Variants in ALDH16A1 observed in about 807,000 individuals in gnomAD.
The protein encoded by ALDH16A1 is aldehyde dehydrogenase family 16 member A1.
ALDH16A1 carries 88 observed loss-of-function variants against 96.1 expected under a neutral mutation model. The ratio of observed to expected loss-of-function variants is 0.92; its 90% CI spans 0.77 to 1.09. The LOEUF (loss-of-function observed/expected upper bound fraction) is 1.09, where lower values mean the gene tolerates loss of function less well. Ranked by LOEUF, ALDH16A1 falls within the 50% of genes least tolerant of loss-of-function variation. The pLI is 0.00. For missense variants in ALDH16A1, 1,250 were observed against 1,112.6 expected (o/e 1.12, Z -1.76); for synonymous variants, 522 against 496.4 (o/e 1.05, Z -0.69).
intron 8 of ALDH16A1, 87 bp downstream of exon 8, chr19:49,462,842 G>T: frequency 7.6e-7 from 1 of 1,319,626 alleles, no homozygotes; most frequent in Non-Finnish European, 1.0e-6. Flanking sequence ...AGGGAGCTGG[G>T]CGTGGACAAC....
At chr19:49,464,015 G>A (rs113529719) in intron 9 of ALDH16A1, 66 bp downstream of exon 9, 2 of 1,578,492 alleles carry the variant, frequency 1.3e-6, no homozygotes, top group Admixed American at 3.5e-5. Flanking sequence ...CTGTGCCTGG[G>A]GAAGCCCTTG....
In ALDH16A1 at chr19:49,468,999, C is replaced by G. The variant is rs2079223300; in HGVS notation, c.2247+13C>G. 1.2e-6 allele frequency: 2 copies of G among 1,601,944 alleles called. No individual in the cohort carries two copies. The highest frequency in any genetic ancestry group is 1.3e-5 in the African/African-American group (1 of 74,656). ...CGGATCAGCCCAGGTGCTCTTTGTT[C>G]TGTTTTGCCATCTTCAGCATCTCAA... On this transcript the variant is annotated intron_variant, in intron 16 of 16. Coordinates refer to ENST00000293350, the MANE Select transcript of ALDH16A1 (RefSeq NM_153329.4). This position sits in a 1 kb window ranked among gnomAD's most constrained non-coding sequence, Gnocchi z 4.4.
rs1776690503 is a variant in ALDH16A1, at chr19:49,465,668, G to A, written c.1569-70G>A. The A allele has an allele frequency of 5.9e-6, 9 of 1,514,270 alleles. 1 individual carries two copies. The highest frequency in any genetic ancestry group is 2.0e-5 in the Admixed American group (1 of 50,134). 93.8% of individuals were successfully genotyped at this position (1,514,270 alleles called of 1,614,324 possible). On this transcript the variant is annotated intron_variant, in intron 12 of 16. Transcript: ENST00000293350. ...CACGGGAGCCAAGGCAGTCTTCCCAGTGCGGTAGAGCATAGGGTCTGAGCA... is the reference window on the plus strand; with the variant it reads ...CACGGGAGCCAAGGCAGTCTTCCCAATGCGGTAGAGCATAGGGTCTGAGCA...
Position 49,461,999 on chromosome 19 carries a change from A to G in ALDH16A1, c.875A>G (p.Glu292Gly). Residue 292 changes from glutamate to glycine, a missense_variant, in exon 7 of 17, where the codon GAG becomes GGG. Glu to Gly is a moderately conservative substitution (Grantham distance 98, BLOSUM62 -2). Transcript: ENST00000293350. ...TDTADVDSAV[E>G]GVVDAAWSDR... ...ACGGCGGACGTAGACTCGGCCGTGG[A>G]GGGTGTCGTGGACGCCGCCTGGTCC... 6.5e-7 allele frequency: 1 copy of G among 1,546,430 alleles called. No homozygotes were observed. The highest frequency in any genetic ancestry group is 1.2e-5 in the South Asian group (1 of 84,534).
At chr19:49,463,759 T>C in intron 8 of ALDH16A1, 95 bp from the exon 9 acceptor site, 1 of 1,123,028 alleles carries the variant, frequency 8.9e-7, no homozygotes. Flanking sequence ...GGGCCTGGAC[T>C]CCTGGGTCTG....
In ALDH16A1 at chr19:49,464,121, T is replaced by C; in HGVS notation, c.1195-6T>C. 1 of 1,606,820 alleles carries C rather than the reference T, an allele frequency of 6.2e-7. No homozygotes were observed. Among genetic ancestry groups the C allele is most frequent in the South Asian group, 1.1e-5 (1 of 90,892 alleles). On this transcript the variant is annotated splice_polypyrimidine_tract_variant and splice_region_variant and intron_variant, in intron 9 of 16. Transcript: ENST00000293350. ...GAGGGCTGAGCCTCCCGGTCACCCCTTGCAGGTGCCGTGGCCTGTGGTCGT... is the reference window on the plus strand; with the variant it reads ...GAGGGCTGAGCCTCCCGGTCACCCCCTGCAGGTGCCGTGGCCTGTGGTCGT...
Position 49,464,236 on chromosome 19 carries a change from T to TG in ALDH16A1, c.1308dup (p.Gln437AlafsTer47), listed in dbSNP as rs774627148. 6.2e-7 allele frequency: 1 copy of TG among 1,603,782 alleles called. No individual in the cohort carries two copies. Among genetic ancestry groups the TG allele is most frequent in the South Asian group, 1.1e-5 (1 of 90,880 alleles). On this transcript the variant is annotated frameshift_variant, in exon 10 of 17. Transcript: ENST00000293350. LOFTEE classifies it high-confidence loss of function. ...AGCGCCAGTGTGTGGAGCGAGAGGC[T>TG]GGGGCAGGCGCTGGAGCTGGGCTAT...
chr19:49,467,615 C>T (rs1369196284), intron 14 of ALDH16A1, among the ~76,000 whole-genome samples: 3 of 148,824 alleles, frequency 2.0e-5, no homozygotes, highest in Non-Finnish European at 4.5e-5. Flanking sequence ...AGGATGGTCT[C>T]GATCTCCTGA....
At position 49,462,634 on chromosome 19, in the gene ALDH16A1, G is replaced by C. The variant is rs778552511; in HGVS notation, c.977G>C (p.Arg326Pro). The change falls in exon 8 of 17, where the codon CGG becomes CCG. Residue 326 changes from arginine (R) to proline (P), a missense_variant. Arg to Pro is a moderately radical substitution (Grantham distance 103). Coordinates refer to ENST00000293350, the MANE Select transcript of ALDH16A1 (RefSeq NM_153329.4). ...WDEAMRRLQE[R>P]MGRLRSGRGL... ...GAAGCCATGAGACGGCTGCAGGAGCGGATGGGGCGGCTTCGGAGTGGCCGA... is the reference window on the plus strand; with the variant it reads ...GAAGCCATGAGACGGCTGCAGGAGCCGATGGGGCGGCTTCGGAGTGGCCGA... The C allele has an allele frequency of 3.7e-6, 6 of 1,612,850 alleles. No individual in the cohort carries two copies. In the South Asian group the frequency reaches 4.4e-5, roughly 12 times the overall value.
chr19:49,458,851 G>A (rs1161279518), intron 2 of ALDH16A1, 109 bp from the exon 3 acceptor site: 1 of 1,442,564 alleles, frequency 6.9e-7, no homozygotes, highest in African/African-American at 1.4e-5. Context: ...GCAGAGAATG[G>A]GGACCAGCTT....
rs370671753 is a variant in ALDH16A1, at chr19:49,463,879, C to T, written c.1124C>T (p.Ser375Leu). The change falls in exon 9 of 17, where the codon TCG becomes TTG. Residue 375 changes from serine (S) to leucine (L), a missense_variant. Coordinates refer to ENST00000293350, the MANE Select transcript of ALDH16A1 (RefSeq NM_153329.4). ...GTGTTCCAGGCTGGTGATGTGCCTT[C>T]GGAACGCCCATTCTATCCCCCAACC... ...AQVFQAGDVP[S>L]ERPFYPPTLV... 131 of 1,613,266 alleles carry T rather than the reference C, an allele frequency of 8.1e-5. No individual in the cohort carries two copies. Among genetic ancestry groups the T allele is most frequent in the African/African-American group, 1.2e-4 (9 of 74,846 alleles).
At chr19:49,469,116 T>G in intron 16 of ALDH16A1, 130 bp downstream of exon 16, 1 of 1,368,538 alleles carries the variant, frequency 7.3e-7, no homozygotes, top group Non-Finnish European at 9.8e-7. Context: ...CAAGAAGGTT[T>G]TGAGGCCCCG....
chr19:49,458,408 C>T, intron 1 of ALDH16A1, 78 bp from the exon 2 acceptor site: 1 of 1,118,578 alleles, frequency 8.9e-7, no homozygotes. Context: ...GACGTCCCCT[C>T]CTAGAGGATT....
chr19:49,468,390 C>CT lies in ALDH16A1; in HGVS notation c.1949dup (p.Arg651GlufsTer188). On this transcript the variant is annotated frameshift_variant, in exon 15 of 17. Transcript: ENST00000293350. LOFTEE classifies it high-confidence loss of function. This position sits in a 1 kb window ranked among gnomAD's most constrained non-coding sequence, Gnocchi z 4.4. ...CCACCTGTCCCTGCAGGTAGCCGGG[C>CT]TGAGAGGCCCTGTGCTGCGCCTGCG... 1 of 1,598,982 alleles carries CT rather than the reference C, an allele frequency of 6.3e-7. No individual in the cohort carries two copies. The highest frequency in any genetic ancestry group is 2.2e-5 in the East Asian group (1 of 44,858).
intron 7 of ALDH16A1, 121 bp from the exon 8 acceptor site, chr19:49,462,449 G>A (rs2050422746): frequency 8.0e-7 from 1 of 1,254,092 alleles, no homozygotes; most frequent in Admixed American, 2.2e-5. Context: ...TGTTCTTTAG[G>A]ACTCTGTTGA....
At chr19:49,465,666 C>T (rs897126629) in intron 12 of ALDH16A1, 72 bp from the exon 13 acceptor site, 1 of 1,506,714 alleles carries the variant, frequency 6.6e-7, no homozygotes, top group Non-Finnish European at 9.0e-7. Context: ...GCAGTCTTCC[C>T]AGTGCGGTAG....
At chr19:49,453,502 C>T in intron 1 of ALDH16A1, 81 bp downstream of exon 1, 1 of 1,305,822 alleles carries the variant, frequency 7.7e-7, no homozygotes, top group Non-Finnish European at 1.0e-6. Context: ...TCCCGTCATC[C>T]ACTGCGGTAG....
At chr19:49,453,447 C>T in intron 1 of ALDH16A1, 26 bp downstream of exon 1, 1 of 1,510,274 alleles carries the variant, frequency 6.6e-7, no homozygotes, top group Non-Finnish European at 8.9e-7. Context: ...GCCGGCGCTG[C>T]TCGCTGCGTT....
rs948624914 is a variant in ALDH16A1, at chr19:49,458,472, T to C, written c.91-14T>C. On this transcript the variant is annotated splice_polypyrimidine_tract_variant and intron_variant, in intron 1 of 16. Coordinates refer to ENST00000293350, the MANE Select transcript of ALDH16A1 (RefSeq NM_153329.4). ...CTCCCGAACCCCTTTCCAAACTGTC[T>C]CTACCTCCCCCAGGCCTGGCTGGAC... 3 of 1,553,780 alleles carry C rather than the reference T, an allele frequency of 1.9e-6. No homozygotes were observed. The Admixed American group carries it at 5.8e-5, about 30-fold the overall frequency.
Sources: gnomAD v4.1 joint callset for allele counts (sites outside exome capture counted in the v4.1 genomes callset) on GRCh38, gnomAD v4.1.1 for gene constraint, Gnocchi (gnomAD v3.1) non-coding constraint, MANE v1.5 for transcripts, NCBI Gene and HGNC (gene_info 2026-07-23, HGNC 2026-07-21) for gene names.